ZDHHC6: variants seen among roughly 807,000 people sequenced by gnomAD.
ZDHHC6 encodes zDHHC palmitoyltransferase 6, also known as palmitoyltransferase ZDHHC6.
In ZDHHC6, 32 loss-of-function variants were observed where a neutral mutation model predicts 57.8. That is an observed-to-expected ratio of 0.55 (90% confidence interval 0.42 to 0.74). ZDHHC6 has a LOEUF of 0.74. ZDHHC6 is among the 30% of genes least tolerant of loss of function. The probability of loss-of-function intolerance (pLI) is 0.00; values close to 1 mark genes in which losing one functional copy is unlikely to be tolerated. For missense variants in ZDHHC6, 433 were observed against 500.7 expected (o/e 0.86, Z 1.29); for synonymous variants, 128 against 158.0 (o/e 0.81, Z 1.42).
At chr10:112,444,111 C>G (rs918771823) in intron 2 of ZDHHC6, among the ~76,000 whole-genome samples, 7 of 152,166 alleles carry the variant, frequency 4.6e-5, no homozygotes, top group Admixed American at 4.6e-4. Flanking sequence ...ACACCTCTGA[C>G]TGTGTCAGAC....
chr10:112,445,706 T>C, intron 1 of ZDHHC6, 56 bp from the exon 2 acceptor site: 1 of 521,926 alleles, frequency 1.9e-6, no homozygotes. Flanking sequence ...AAAACCTTTA[T>C]TGCATACCAT....
chr10:112,432,410 T>A lies in ZDHHC6; in HGVS notation c.1057A>T (p.Lys353Ter), dbSNP rs780378940. The A allele has an allele frequency of 5.7e-5, 92 of 1,614,076 alleles. No homozygotes were observed. The highest frequency in any genetic ancestry group is 7.4e-5 in the Non-Finnish European group (87 of 1,180,044). The change falls in exon 9 of 11, where the codon AAA becomes TAA. Residue 353 changes from lysine (K) to a stop codon, truncating the protein, a stop_gained. Transcript: ENST00000369405. LOFTEE classifies it high-confidence loss of function. ...CTTGTGGCTAAAATGAATTCCCCTTTTTGCAGCTGTATTCGAGGCTCTTCG... is the reference window on the plus strand; with the variant it reads ...CTTGTGGCTAAAATGAATTCCCCTTATTGCAGCTGTATTCGAGGCTCTTCG... Reference protein sequence around the residue: ...CTEEPRIQLQKGEFILATRGL... With the variant: ...CTEEPRIQLQ
downstream of ZDHHC6, chr10:112,427,084 G>A: frequency 1.0e-6 from 1 of 974,092 alleles, no homozygotes. Flanking sequence ...TATGTTTGTG[G>A]GAATGGGCAT....
intron 7 of ZDHHC6, 133 bp from the exon 8 acceptor site, chr10:112,433,414 A>C: frequency 6.0e-6 from 4 of 664,306 alleles, no homozygotes; most frequent in Non-Finnish European, 7.1e-6. Context: ...TGATAATTTA[A>C]AGGCCACAGG....
chr10:112,447,456 G>A (rs1427391500), upstream of ZDHHC6: 1 of 1,613,450 alleles, frequency 6.2e-7, no homozygotes, highest in East Asian at 2.2e-5. Context: ...AGGGTCCCAC[G>A]ACTCCCGCCT....
chr10:112,426,543 T>A (rs980345346), downstream of ZDHHC6: 3 of 622,034 alleles, frequency 4.8e-6, no homozygotes, highest in African/African-American at 5.5e-5. Flanking sequence ...TAAAATAATA[T>A]GTTCATTGTG....
At chr10:112,430,227 G>A (rs1467933445), downstream of ZDHHC6, 4 of 152,320 alleles carry the variant, frequency 2.6e-5, no homozygotes. Flanking sequence ...GGGCAGCAGA[G>A]CAGTTTTTCC....
chr10:112,445,756 A>C, intron 1 of ZDHHC6, 106 bp from the exon 2 acceptor site: 8 of 443,166 alleles, frequency 1.8e-5, no homozygotes, highest in East Asian at 3.2e-5. Flanking sequence ...ACAGCATCTC[A>C]CAAGTGCACT....
At chr10:112,443,646 C>T in intron 2 of ZDHHC6, 40 bp from the exon 3 acceptor site, 2 of 1,498,526 alleles carry the variant, frequency 1.3e-6, no homozygotes, top group South Asian at 1.1e-5. Context: ...TCATCGGATA[C>T]TTGAATATAA....
At chr10:112,427,101 C>T (rs921860842), downstream of ZDHHC6, 39 of 1,094,240 alleles carry the variant, frequency 3.6e-5, no homozygotes, top group Non-Finnish European at 4.9e-5. Flanking sequence ...GCATGTGTTA[C>T]TGTTACCTTT....
chr10:112,426,421 C>A, downstream of ZDHHC6: 1 of 1,388,696 alleles, frequency 7.2e-7, no homozygotes, highest in African/African-American at 1.4e-5. Flanking sequence ...GAGAGGATGC[C>A]TCACCAGTTC....
chr10:112,438,225 G>C (rs1389388607), intron 6 of ZDHHC6, 111 bp downstream of exon 6: 2 of 769,976 alleles, frequency 2.6e-6, no homozygotes, highest in Non-Finnish European at 3.6e-6. Context: ...TTCACTTTTA[G>C]GCACTTTTCG....
In ZDHHC6 at chr10:112,437,202, T is replaced by C. The variant is rs61124179; in HGVS notation, c.735+1134A>G. On this transcript the variant is annotated intron_variant, in intron 6 of 10. Transcript: ENST00000369405. Reference sequence around the variant, plus strand: ...CTGACAGCTTTCCAATACTTAAGGATTTTTTCTCATAAAAATGATATATTG... The same window carrying C: ...CTGACAGCTTTCCAATACTTAAGGACTTTTTCTCATAAAAATGATATATTG... Among the ~76,000 whole-genome samples the C allele has an allele frequency of 2.9e-3, 439 of 152,212 alleles. 1 individual carries two copies. The highest frequency in any genetic ancestry group is 9.9e-3 in the African/African-American group (410 of 41,522).
chr10:112,425,716 T>C (rs1047884977), downstream of ZDHHC6: 6 of 379,558 alleles, frequency 1.6e-5, no homozygotes, highest in African/African-American at 1.0e-4. Context: ...AGAATGGCTA[T>C]ACTAAAAGGT....
chr10:112,446,880 G>C lies in ZDHHC6; in HGVS notation c.-390C>G, dbSNP rs974970821. On this transcript the variant is annotated 5_prime_UTR_variant, in exon 1 of 11. Transcript: ENST00000369405. ...TGGAGTGCGGGACCTGCTACAAGCC[G>C]AGCACCTCTCGGCCAGCGCCCTCGC... 2.7e-5 allele frequency: 5 copies of C among 184,992 alleles called. No individual in the cohort carries two copies. The highest frequency in any genetic ancestry group is 1.2e-4 in the African/African-American group (5 of 42,512). 11.5% of individuals were successfully genotyped at this position (184,992 alleles called of 1,614,324 possible). A position where few individuals can be genotyped will look rare whatever the true frequency, so the allele number is the denominator to read the frequency against.
chr10:112,447,306 C>T, upstream of ZDHHC6: 1 of 1,534,240 alleles, frequency 6.5e-7, no homozygotes. Context: ...CCGCGGGGCC[C>T]CTCGCTGCCC....
intron 10 of ZDHHC6, 21 bp from the exon 11 acceptor site, chr10:112,430,928 G>A (rs781596262): frequency 1.9e-6 from 3 of 1,595,676 alleles, no homozygotes; most frequent in East Asian, 2.2e-5. Context: ...AAATGAAATT[G>A]AGGTGAAATA....
Position 112,430,596 on chromosome 10 carries a change from T to G in ZDHHC6, c.*208A>C. On this transcript the variant is annotated 3_prime_UTR_variant, in exon 11 of 11. Transcript: ENST00000369405. ...TTTTCCTTTGAGGGGGAGGAAGAGG[T>G]GGTAAAGAGGGGCAGGAATTCAAAG... 1 of 416,712 alleles carries G rather than the reference T, an allele frequency of 2.4e-6. No individual in the cohort carries two copies. Among genetic ancestry groups the G allele is most frequent in the East Asian group, 4.1e-5 (1 of 24,490 alleles). The allele number at this position is 416,712 out of a possible 1,614,324, so 25.8% of individuals were successfully genotyped here. A position where few individuals can be genotyped will look rare whatever the true frequency, so the allele number is the denominator to read the frequency against.
intron 6 of ZDHHC6, among the ~76,000 whole-genome samples, chr10:112,435,016 T>C (rs1340624767): frequency 6.6e-6 from 1 of 152,222 alleles, no homozygotes; most frequent in Non-Finnish European, 1.5e-5. Flanking sequence ...AAAACATTTT[T>C]TAAAGCTAGC....
Sources: allele counts gnomAD v4.1 joint callset (sites outside exome capture counted in the v4.1 genomes callset), GRCh38; gene constraint gnomAD v4.1.1; transcripts MANE v1.5; gene names NCBI Gene and HGNC (gene_info 2026-07-23, HGNC 2026-07-21).